Variants in AGPAT3 observed in about 807,000 individuals in gnomAD.
AGPAT3 encodes the protein 1-acylglycerol-3-phosphate O-acyltransferase 3, also known as 1-acyl-sn-glycerol-3-phosphate acyltransferase gamma.
A neutral mutation model predicts 47.3 loss-of-function variants in AGPAT3; 5 were observed. That is an observed-to-expected ratio of 0.11 (90% confidence interval 0.06 to 0.22). AGPAT3 has a LOEUF of 0.22. Ranked by LOEUF, AGPAT3 falls within the 10% of genes least tolerant of loss-of-function variation. The pLI is 1.00. For missense variants in AGPAT3, 315 were observed against 493.0 expected, an observed-to-expected ratio of 0.64 and a Z score of 3.42; for synonymous variants, 212 against 208.3, an observed-to-expected ratio of 1.02 and a Z score of -0.15.
intron 1 of AGPAT3, among the ~76,000 whole-genome samples, chr21:43,884,313 T>A (rs1000435474): frequency 6.8e-6 from 1 of 146,758 alleles, no homozygotes; most frequent in Non-Finnish European, 1.5e-5. Flanking sequence ...TGAGGGCATT[T>A]GGCCTCATAG....
chr21:43,869,880 A>G (rs1305255386), intron 1 of AGPAT3, among the ~76,000 whole-genome samples: 3 of 152,186 alleles, frequency 2.0e-5, no homozygotes, highest in Non-Finnish European at 2.9e-5. Flanking sequence ...AATTTTATGC[A>G]TGTATTTTAG....
intron 1 of AGPAT3, among the ~76,000 whole-genome samples, chr21:43,886,331 G>A (rs2085977878): frequency 6.6e-6 from 1 of 152,092 alleles, no homozygotes; most frequent in Non-Finnish European, 1.5e-5. Flanking sequence ...TCGGCTCACT[G>A]CAACCTCTGC....
Position 43,891,110 on chromosome 21 carries a change from ACT to A in AGPAT3, c.-111-12842_-111-12841del, listed in dbSNP as rs546564781. Among the ~76,000 whole-genome samples, 4 of 152,198 alleles carry A rather than the reference ACT, an allele frequency of 2.6e-5. No homozygotes were observed. In the East Asian group the frequency reaches 7.7e-4, roughly 29 times the overall value. ...GCAATGAAGCTTGCCACATGGATGG[ACT>A]CTCTTTTTCACAAGTTTTCTCTGTA... On this transcript the variant is annotated intron_variant, in intron 1 of 9. Coordinates refer to ENST00000291572, the MANE Select transcript of AGPAT3 (RefSeq NM_020132.5).
chr21:43,973,621 C>T (rs1291692103), intron 7 of AGPAT3, among the ~76,000 whole-genome samples: 5 of 152,250 alleles, frequency 3.3e-5, no homozygotes, highest in Non-Finnish European at 7.3e-5. Context: ...TTTGCCCGAT[C>T]ATATTTTAAT....
At chr21:43,959,082 T>TGTGTGTGTGGCATGTGGGTGGTTTGC (rs1555909854) in intron 2 of AGPAT3, among the ~76,000 whole-genome samples, 1 of 121,986 alleles carries the variant, frequency 8.2e-6, no homozygotes, top group African/African-American at 3.5e-5. Flanking sequence ...GTGTGGTTTG[T>TGTGTGTGTGGCATGTGGGTGGTTTGC]GGTGTGTGTG....
At position 43,985,248 on chromosome 21, in the gene AGPAT3, T is replaced by C. The variant is rs1487852489; in HGVS notation, c.*2856T>C. 2.2e-6 allele frequency: 1 copy of C among 456,288 alleles called. No individual in the cohort carries two copies. The highest frequency in any genetic ancestry group is 6.9e-5 in the East Asian group (1 of 14,396). 28.3% of individuals were successfully genotyped at this position (456,288 alleles called of 1,614,324 possible). A position where few individuals can be genotyped will look rare whatever the true frequency, so the allele number is the denominator to read the frequency against. ...TCCCCCGTGTGAGACACTGGTTGTC[T>C]GGTACTCGGCGACAGTGTACCAGAC... On this transcript the variant is annotated 3_prime_UTR_variant, in exon 10 of 10. Coordinates refer to ENST00000291572, the MANE Select transcript of AGPAT3 (RefSeq NM_020132.5).
Position 43,939,774 on chromosome 21 carries a change from G to A in AGPAT3, c.-48-19860G>A, listed in dbSNP as rs184539895. On this transcript the variant is annotated intron_variant, in intron 2 of 9. Transcript: ENST00000291572. This position sits in a 1 kb window ranked among gnomAD's most constrained non-coding sequence, Gnocchi z 4.4. ...GCCCCTTGACACACTGGTGCTGTGAGGAGGAAGATGTGGGCACTCTTAGGT... is the reference window on the plus strand; with the variant it reads ...GCCCCTTGACACACTGGTGCTGTGAAGAGGAAGATGTGGGCACTCTTAGGT... Among the ~76,000 whole-genome samples the A allele has an allele frequency of 2.0e-5, 3 of 152,324 alleles. No individual in the cohort carries two copies. In the East Asian group the frequency reaches 5.8e-4, roughly 29 times the overall value.
intron 7 of AGPAT3, among the ~76,000 whole-genome samples, chr21:43,975,177 G>A (rs2089559667): frequency 6.6e-6 from 1 of 151,814 alleles, no homozygotes; most frequent in South Asian, 2.1e-4. Flanking sequence ...GTGGGTGCTG[G>A]TGTATGGCAT....
chr21:43,874,658 CAGT>C (rs2085695001), intron 1 of AGPAT3, among the ~76,000 whole-genome samples: 1 of 152,182 alleles, frequency 6.6e-6, no homozygotes, highest in African/African-American at 2.4e-5. Context: ...CTTCCTGTGT[CAGT>C]AGTAAGCTTT....
intron 1 of AGPAT3, among the ~76,000 whole-genome samples, chr21:43,866,985 GC>G (rs951924085): frequency 6.6e-6 from 1 of 152,274 alleles, no homozygotes; most frequent in African/African-American, 2.4e-5. Flanking sequence ...CCAGGCTGGG[GC>G]CCCAGTGCAG....
intron 1 of AGPAT3, among the ~76,000 whole-genome samples, chr21:43,882,253 G>A (rs992581060): frequency 6.6e-6 from 1 of 152,272 alleles, no homozygotes; most frequent in African/African-American, 2.4e-5. Context: ...GCAGGGTCTG[G>A]CAAATGTGTT....
chr21:43,913,338 C>T (rs2086665297), intron 2 of AGPAT3, among the ~76,000 whole-genome samples: 1 of 152,164 alleles, frequency 6.6e-6, no homozygotes, highest in Non-Finnish European at 1.5e-5. Context: ...TGGCTCATGC[C>T]TATAATCCCA....
At position 43,891,142 on chromosome 21, in the gene AGPAT3, G is replaced by A. The variant is rs532866254; in HGVS notation, c.-111-12815G>A. Among the ~76,000 whole-genome samples the A allele has an allele frequency of 1.5e-3, 230 of 152,332 alleles. 1 individual carries two copies. Among genetic ancestry groups the A allele is most frequent in the African/African-American group, 5.3e-3 (221 of 41,578 alleles). On this transcript the variant is annotated intron_variant, in intron 1 of 9. Transcript: ENST00000291572. ...TTTTCACAAGTTTTCTCTGTAGCAC[G>A]TGATGTCATTTGATAGCATTTTACC...
chr21:43,923,400 A>G (rs1569066485), intron 2 of AGPAT3, among the ~76,000 whole-genome samples: 1 of 152,188 alleles, frequency 6.6e-6, no homozygotes, highest in Non-Finnish European at 1.5e-5. Context: ...CTGCACTCTC[A>G]TACTCAACAC....
At chr21:43,898,444 G>A (rs1017177566) in intron 1 of AGPAT3, among the ~76,000 whole-genome samples, 2 of 152,118 alleles carry the variant, frequency 1.3e-5, no homozygotes, top group East Asian at 1.9e-4. Context: ...TAACCTGTAC[G>A]TTTTACACTC....
At position 43,970,536 on chromosome 21, in the gene AGPAT3, A is replaced by G. The variant is rs1469532175; in HGVS notation, c.511-117A>G. ...CCATGCTGCTCGCTAAAGCGGTTCCAAGATTTCCACAAATTCAGCCACAAC... is the reference window on the plus strand; with the variant it reads ...CCATGCTGCTCGCTAAAGCGGTTCCGAGATTTCCACAAATTCAGCCACAAC... On this transcript the variant is annotated intron_variant, in intron 5 of 9. Coordinates refer to ENST00000291572, the MANE Select transcript of AGPAT3 (RefSeq NM_020132.5). This position sits in a 1 kb window ranked among gnomAD's most constrained non-coding sequence, Gnocchi z 5.8. The G allele has an allele frequency of 8.5e-7, 1 of 1,178,828 alleles. No individual in the cohort carries two copies. The highest frequency in any genetic ancestry group is 1.5e-5 in the South Asian group (1 of 68,168). 73.0% of individuals were successfully genotyped at this position (1,178,828 alleles called of 1,614,324 possible).
At chr21:43,958,534 G>A (rs1279719790) in intron 2 of AGPAT3, among the ~76,000 whole-genome samples, 6 of 151,712 alleles carry the variant, frequency 4.0e-5, no homozygotes, top group African/African-American at 1.5e-4. Flanking sequence ...GGTGTGTGGT[G>A]TAGGTGTGGT....
intron 7 of AGPAT3, among the ~76,000 whole-genome samples, chr21:43,976,300 C>T (rs554092707): frequency 6.0e-5 from 9 of 150,932 alleles, no homozygotes; most frequent in Admixed American, 3.3e-4. Context: ...CTCCTGAGCT[C>T]GTGATCTGCC....
chr21:43,917,147 C>T (rs2086749080), intron 2 of AGPAT3, among the ~76,000 whole-genome samples: 1 of 152,152 alleles, frequency 6.6e-6, no homozygotes, highest in South Asian at 2.1e-4. Flanking sequence ...CTGGGTTGTC[C>T]TCAAAGCACA....
Sources: gnomAD v4.1 joint callset for allele counts (sites outside exome capture counted in the v4.1 genomes callset) on GRCh38, gnomAD v4.1.1 for gene constraint, Gnocchi (gnomAD v3.1) non-coding constraint, MANE v1.5 for transcripts, NCBI Gene and HGNC (gene_info 2026-07-23, HGNC 2026-07-21) for gene names.